LEMD1: variants seen among roughly 807,000 people sequenced by gnomAD.
LEMD1 encodes the protein LEM domain containing 1, also known as LEM domain-containing protein 1.
In LEMD1, 18 loss-of-function variants were observed where a neutral mutation model predicts 17.4. The ratio of observed to expected loss-of-function variants is 1.04; its 90% CI spans 0.72 to 1.54. The LOEUF (loss-of-function observed/expected upper bound fraction) is 1.54. Among genes scored for constraint, LEMD1 ranks in the 40% most tolerant of loss-of-function variants. The pLI, the probability that LEMD1 is intolerant of heterozygous loss-of-function variation, is 0.00. For synonymous variants in LEMD1, 88 were observed against 77.8 expected, an observed-to-expected ratio of 1.13 and a Z score of -0.69; for missense variants, 195 against 210.4, an observed-to-expected ratio of 0.93 and a Z score of 0.45.
intron 1 of LEMD1, among the ~76,000 whole-genome samples, chr1:205,432,712 G>T (rs12119166): frequency 6.6e-6 from 1 of 152,176 alleles, no homozygotes; most frequent in Non-Finnish European, 1.5e-5. Flanking sequence ...GAGGGTCCCC[G>T]GGAAATCCCA....
upstream of LEMD1, among the ~76,000 whole-genome samples, chr1:205,426,007 TC>T (rs1666050803): frequency 6.6e-6 from 1 of 152,162 alleles, no homozygotes; most frequent in Non-Finnish European, 1.5e-5. Flanking sequence ...ACAGAGCAGC[TC>T]CACTCCAGGG....
At chr1:205,394,127 T>C (rs1300297246) in intron 4 of LEMD1, among the ~76,000 whole-genome samples, 2 of 148,896 alleles carry the variant, frequency 1.3e-5, no homozygotes, top group African/African-American at 5.0e-5. Flanking sequence ...ACACATTGAA[T>C]GATTCCATTT....
intron 4 of LEMD1, among the ~76,000 whole-genome samples, chr1:205,392,089 C>A (rs191648614): frequency 6.6e-6 from 1 of 151,244 alleles, no homozygotes; most frequent in African/African-American, 2.4e-5. Flanking sequence ...CCAGCCTGGG[C>A]GACAGAGAGA....
chr1:205,448,372 T>A lies in LEMD1; in HGVS notation c.-39+1496A>T, dbSNP rs1448418560. ...GTTTGGGACAGCAATCACATAGGAATGAAAAGCCATAGGCCACAGCAGAGT... is the reference window on the plus strand; with the variant it reads ...GTTTGGGACAGCAATCACATAGGAAAGAAAAGCCATAGGCCACAGCAGAGT... On this transcript the variant is annotated intron_variant, in intron 1 of 3. Transcript: ENST00000367154. This position sits in a 1 kb window ranked among gnomAD's most constrained non-coding sequence, Gnocchi z 4.7. 2 of 534,372 alleles carry A rather than the reference T, an allele frequency of 3.7e-6. No homozygotes were observed. Among genetic ancestry groups the A allele is most frequent in the Non-Finnish European group, 7.7e-6 (2 of 259,994 alleles). The allele number at this position is 534,372 out of a possible 1,614,324, so 33.1% of individuals were successfully genotyped here. A position where few individuals can be genotyped will look rare whatever the true frequency, so the allele number is the denominator to read the frequency against.
At chr1:205,417,514 G>A (rs1430545010) in intron 3 of LEMD1, among the ~76,000 whole-genome samples, 1 of 152,142 alleles carries the variant, frequency 6.6e-6, no homozygotes. Flanking sequence ...CCCAGGGCAG[G>A]AAACAGAAGC....
chr1:205,411,447 C>T (rs116829082), intron 4 of LEMD1, among the ~76,000 whole-genome samples: 2,163 of 151,064 alleles, frequency 0.014, 56 homozygotes, highest in African/African-American at 0.049. Flanking sequence ...CCCAGCTACC[C>T]GGAGAGGCAG....
Position 205,419,443 on chromosome 1 carries a change from T to C in LEMD1, c.83-91A>G. ...AGGTATTTCATAACTCAGAATTTTA[T>C]TCTTAACCCTTACATTATTGGTTAA... On this transcript the variant is annotated intron_variant, in intron 2 of 5. Coordinates refer to ENST00000367153, the MANE Select transcript of LEMD1 (RefSeq NM_001199050.2). 6 of 1,401,270 alleles carry C rather than the reference T, an allele frequency of 4.3e-6. No individual in the cohort carries two copies. In the Admixed American group the frequency reaches 7.2e-5, roughly 17 times the overall value. The allele number at this position is 1,401,270 out of a possible 1,614,324, so 86.8% of individuals were successfully genotyped here.
intron 5 of LEMD1, among the ~76,000 whole-genome samples, chr1:205,383,442 A>T (rs1191147873): frequency 6.6e-6 from 1 of 152,020 alleles, no homozygotes; most frequent in East Asian, 1.9e-4. Flanking sequence ...AGATCAAATC[A>T]GGGTAATTAG....
chr1:205,411,605 G>GGAAGGAAA (rs1374590136), intron 4 of LEMD1, among the ~76,000 whole-genome samples: 7 of 136,342 alleles, frequency 5.1e-5, no homozygotes, highest in Non-Finnish European at 9.3e-5. Flanking sequence ...AAGGAAGGTA[G>GGAAGGAAA]GAAGGAAAGA....
intron 4 of LEMD1, among the ~76,000 whole-genome samples, chr1:205,398,322 T>A (rs1038829247): frequency 6.6e-6 from 1 of 152,202 alleles, no homozygotes; most frequent in African/African-American, 2.4e-5. Context: ...ATATACAACT[T>A]GAATCACACA....
At chr1:205,418,517 T>C (rs1250088443) in intron 3 of LEMD1, among the ~76,000 whole-genome samples, 1 of 152,160 alleles carries the variant, frequency 6.6e-6, no homozygotes, top group African/African-American at 2.4e-5. Flanking sequence ...AGGTATAATC[T>C]GGTTCATCTT....
chr1:205,384,503 A>T, intron 4 of LEMD1, 139 bp from the exon 5 acceptor site: 1 of 522,556 alleles, frequency 1.9e-6, no homozygotes. Context: ...TTTAAAATAC[A>T]AACTTGTTTG....
Position 205,441,809 on chromosome 1 carries a change from A to G in LEMD1, c.-39+8059T>C, listed in dbSNP as rs1666297913. ...GTAAAGACATGGTTTCTTCCCTGGC[A>G]CATAAGTCTGAGGTAGAGGCTGAGG... On this transcript the variant is annotated intron_variant, in intron 1 of 3. Transcript: ENST00000367154. The surrounding 1 kb of genome is among the most constrained non-coding windows in gnomAD (Gnocchi z 4.3). 6.6e-6 allele frequency among the ~76,000 whole-genome samples: 1 copy of G among 152,210 alleles called. No individual in the cohort carries two copies. Among genetic ancestry groups the G allele is most frequent in the Non-Finnish European group, 1.5e-5 (1 of 68,040 alleles).
rs887598806 is a variant in LEMD1 at position 205,400,851 on chromosome 1, C to CT, written c.270+15380_270+15381insA. ...TCTCCTAATGCTATCCCTCCCCCCCCCCACCCCACAACAGTCACCAGAGTG... is the reference window on the plus strand; with the variant it reads ...TCTCCTAATGCTATCCCTCCCCCCCCTCCACCCCACAACAGTCACCAGAGTG... On this transcript the variant is annotated intron_variant, in intron 4 of 5. Transcript: ENST00000367153. Among the ~76,000 whole-genome samples the CT allele has an allele frequency of 5.1e-5, 6 of 118,468 alleles. 1 individual carries two copies. Among genetic ancestry groups the CT allele is most frequent in the Admixed American group, 1.9e-4 (2 of 10,600 alleles). 77.7% of individuals were successfully genotyped at this position (118,468 alleles called of 152,430 possible). A position where few individuals can be genotyped will look rare whatever the true frequency, so the allele number is the denominator to read the frequency against.
chr1:205,429,721 A>G (rs1367743585), intron 1 of LEMD1, among the ~76,000 whole-genome samples: 1 of 150,084 alleles, frequency 6.7e-6, no homozygotes, highest in Non-Finnish European at 1.5e-5. Context: ...CTTTTTAGCT[A>G]TTATCTGTCC....
At chr1:205,444,479 T>A (rs1311619688) in intron 1 of LEMD1, among the ~76,000 whole-genome samples, 1 of 151,110 alleles carries the variant, frequency 6.6e-6, no homozygotes, top group African/African-American at 2.5e-5. Flanking sequence ...GCTGATCCTT[T>A]CCCTTGGCCT....
At chr1:205,404,414 A>C (rs1440677402) in intron 4 of LEMD1, among the ~76,000 whole-genome samples, 1 of 152,136 alleles carries the variant, frequency 6.6e-6, no homozygotes, top group African/African-American at 2.4e-5. Flanking sequence ...TATTTAGGAA[A>C]GTTAGCTCTT....
chr1:205,415,237 T>C (rs1020463357), intron 4 of LEMD1, among the ~76,000 whole-genome samples: 7 of 152,096 alleles, frequency 4.6e-5, no homozygotes, highest in African/African-American at 1.4e-4. Context: ...TAGGTAACCA[T>C]TTGTCAAATG....
chr1:205,439,256 T>A (rs1190130135), intron 1 of LEMD1, among the ~76,000 whole-genome samples: 2 of 152,218 alleles, frequency 1.3e-5, no homozygotes, highest in African/African-American at 4.8e-5. Flanking sequence ...AATCTTGCTG[T>A]TCCCTTGAGG....
Sources: gnomAD v4.1 joint callset for allele counts (sites outside exome capture counted in the v4.1 genomes callset) on GRCh38, gnomAD v4.1.1 for gene constraint, Gnocchi (gnomAD v3.1) non-coding constraint, MANE v1.5 for transcripts, NCBI Gene and HGNC (gene_info 2026-07-23, HGNC 2026-07-21) for gene names.